GTF2H5: variants seen among roughly 807,000 people sequenced by gnomAD.
GTF2H5 encodes the protein general transcription factor IIH subunit 5.
Under a neutral mutation model 7.1 loss-of-function variants are expected in GTF2H5, and 5 were observed. The observed-to-expected ratio is 0.71, with a 90% CI of 0.37 to 1.49. The LOEUF is 1.49. Ranked by LOEUF, GTF2H5 falls within the 40% of genes most tolerant of loss-of-function variation. GTF2H5 has a pLI of 0.03. For synonymous variants in GTF2H5, 30 were observed against 31.7 expected, an observed-to-expected ratio of 0.95 and a Z score of 0.18; for missense variants, 80 against 83.0, an observed-to-expected ratio of 0.96 and a Z score of 0.14.
In GTF2H5 at chr6:158,177,028, G is replaced by A. The variant is rs961358339; in HGVS notation, c.35+6490G>A. On this transcript the variant is annotated intron_variant, in intron 2 of 2. Coordinates refer to ENST00000607778, the MANE Select transcript of GTF2H5 (RefSeq NM_207118.3). ...TCCAGTAAACCCACAGCCTTCCAGC[G>A]TGGGTGTCATGGCCATCATGAACAT... Among the ~76,000 whole-genome samples the A allele has an allele frequency of 5.9e-5, 9 of 152,348 alleles. No individual in the cohort carries two copies. The East Asian group carries it at 9.6e-4, about 16-fold the overall frequency.
At chr6:158,184,218 T>C (rs1477857746) in intron 2 of GTF2H5, among the ~76,000 whole-genome samples, 1 of 152,072 alleles carries the variant, frequency 6.6e-6, no homozygotes, top group East Asian at 1.9e-4. Flanking sequence ...TGATTTGGGT[T>C]TTCTGATCAG....
chr6:158,187,265 G>T (rs1776944847), intron 2 of GTF2H5, among the ~76,000 whole-genome samples: 1 of 151,934 alleles, frequency 6.6e-6, no homozygotes, highest in African/African-American at 2.4e-5. Context: ...CAAAGTGCTG[G>T]GATTACAGAT....
intron 1 of GTF2H5, among the ~76,000 whole-genome samples, chr6:158,169,794 A>ATATTGTATATTATATATAATATATTG (rs1785819721): frequency 6.4e-5 from 6 of 93,136 alleles, no homozygotes; most frequent in Admixed American, 1.8e-4. Flanking sequence ...ATTATATATT[A>ATATTGTATATTATATATAATATATTG]TATATTGTAT....
At chr6:158,178,262 G>A (rs34489576) in intron 2 of GTF2H5, among the ~76,000 whole-genome samples, 22,415 of 151,952 alleles carry the variant, frequency 0.15, 2,150 homozygotes, top group Middle Eastern at 0.3. Flanking sequence ...CAAGACAGGC[G>A]GATCACGAGG....
intron 2 of GTF2H5, among the ~76,000 whole-genome samples, chr6:158,182,378 T>C (rs1786022596): frequency 6.6e-6 from 1 of 152,232 alleles, no homozygotes; most frequent in Non-Finnish European, 1.5e-5. Context: ...TTGAGGAGTA[T>C]CTTTGTGGTG....
chr6:158,171,940 G>T (rs1785861989), intron 2 of GTF2H5, among the ~76,000 whole-genome samples: 1 of 152,146 alleles, frequency 6.6e-6, no homozygotes, highest in Admixed American at 6.6e-5. Flanking sequence ...CACTAGGTTT[G>T]ATGTACTTAT....
chr6:158,168,678 C>T lies in GTF2H5; in HGVS notation c.-35+283C>T, dbSNP rs554718882. Among the ~76,000 whole-genome samples, 201 of 152,346 alleles carry T rather than the reference C, an allele frequency of 1.3e-3. 1 individual carries two copies. Among genetic ancestry groups the T allele is most frequent in the African/African-American group, 4.6e-3 (193 of 41,582 alleles). ...GTACGCTGAGTGGTTTGTTTCCAGC[C>T]TAGGTCCGCACGGGACGTGATTTAT... On this transcript the variant is annotated intron_variant, in intron 1 of 2. Coordinates refer to ENST00000607778, the MANE Select transcript of GTF2H5 (RefSeq NM_207118.3).
chr6:158,180,491 A>G (rs112420138), intron 2 of GTF2H5, among the ~76,000 whole-genome samples: 166 of 152,282 alleles, frequency 1.1e-3, no homozygotes, highest in African/African-American at 3.6e-3. Context: ...CTGTGAATCC[A>G]TCTGGTCCTG....
chr6:158,168,786 G>A (rs1457351814), intron 1 of GTF2H5, among the ~76,000 whole-genome samples: 2 of 152,210 alleles, frequency 1.3e-5, no homozygotes, highest in African/African-American at 4.8e-5. Context: ...TCTTCCTTTG[G>A]TCTCCTCATA....
intron 2 of GTF2H5, among the ~76,000 whole-genome samples, chr6:158,175,010 A>ATGTATG: frequency 7.2e-6 from 1 of 138,320 alleles, no homozygotes; most frequent in East Asian, 2.2e-4. Flanking sequence ...TGTGCCTGAG[A>ATGTATG]TGTGTGTGTG....
chr6:158,174,014 C>T (rs145462289), intron 2 of GTF2H5, among the ~76,000 whole-genome samples: 3 of 152,206 alleles, frequency 2.0e-5, no homozygotes, highest in African/African-American at 7.2e-5. Flanking sequence ...TGGTTTTTAG[C>T]GTGCGCATGC....
intron 2 of GTF2H5, among the ~76,000 whole-genome samples, chr6:158,188,496 G>A (rs1356796917): frequency 1.3e-5 from 2 of 152,068 alleles, no homozygotes; most frequent in Non-Finnish European, 1.5e-5. Context: ...TCAACCCCAC[G>A]TTCCTTCTAG....
At chr6:158,183,188 G>C (rs910894630) in intron 2 of GTF2H5, among the ~76,000 whole-genome samples, 1 of 152,158 alleles carries the variant, frequency 6.6e-6, no homozygotes, top group Non-Finnish European at 1.5e-5. Context: ...GACCCTGTTT[G>C]CCTGGGTATC....
chr6:158,194,625 T>C lies in GTF2H5; in HGVS notation c.*2468T>C, dbSNP rs1293379047. 1 of 152,154 alleles carries C rather than the reference T, an allele frequency of 6.6e-6. No homozygotes were observed. Among genetic ancestry groups the C allele is most frequent in the African/African-American group, 2.4e-5 (1 of 41,424 alleles). 9.4% of individuals were successfully genotyped at this position (152,154 alleles called of 1,614,324 possible). A position where few individuals can be genotyped will look rare whatever the true frequency, so the allele number is the denominator to read the frequency against. On this transcript the variant is annotated 3_prime_UTR_variant, in exon 3 of 3. Coordinates refer to ENST00000607778, the MANE Select transcript of GTF2H5 (RefSeq NM_207118.3). ...GTACCTTATGAGTTAATTGGACTCT[T>C]TGATATGTTGAGAGTCAGCTTACAC...
intron 2 of GTF2H5, among the ~76,000 whole-genome samples, chr6:158,178,107 A>G (rs1008616806): frequency 2.0e-5 from 3 of 152,126 alleles, no homozygotes; most frequent in Non-Finnish European, 4.4e-5. Flanking sequence ...TGCTGGGTCA[A>G]ATGGTATTTC....
intron 2 of GTF2H5, among the ~76,000 whole-genome samples, chr6:158,175,044 G>GTGTGTATATATGTGTGTGTGTGTGTGTA: frequency 5.6e-5 from 8 of 142,852 alleles, no homozygotes; most frequent in East Asian, 2.1e-4. Flanking sequence ...GTGTGTGTGT[G>GTGTGTATATATGTGTGTGTGTGTGTGTA]TATACACACA....
At chr6:158,173,514 A>G (rs1785885525) in intron 2 of GTF2H5, among the ~76,000 whole-genome samples, 1 of 152,186 alleles carries the variant, frequency 6.6e-6, no homozygotes, top group Non-Finnish European at 1.5e-5. Flanking sequence ...TATGATTATC[A>G]GTATAAGTCT....
chr6:158,169,544 A>T lies in GTF2H5; in HGVS notation c.-34-926A>T, dbSNP rs1169667574. Among the ~76,000 whole-genome samples the T allele has an allele frequency of 3.3e-5, 3 of 90,522 alleles. 1 individual carries two copies. The highest frequency in any genetic ancestry group is 1.9e-4 in the Admixed American group (1 of 5,190). The allele number at this position is 90,522 out of a possible 152,430, so 59.4% of individuals were successfully genotyped here. ...TATAATATACAGTATATTATATATA[A>T]TATACTGTATATTATATATAATATA... On this transcript the variant is annotated intron_variant, in intron 1 of 2. Transcript: ENST00000607778.
At chr6:158,176,261 C>T (rs961279324) in intron 2 of GTF2H5, among the ~76,000 whole-genome samples, 2 of 151,984 alleles carry the variant, frequency 1.3e-5, no homozygotes, top group African/African-American at 4.8e-5. Context: ...CGGAGTCTCA[C>T]TGTCACCCAG....
Sources: allele counts gnomAD v4.1 joint callset (sites outside exome capture counted in the v4.1 genomes callset), GRCh38; gene constraint gnomAD v4.1.1; transcripts MANE v1.5; gene names NCBI Gene and HGNC (gene_info 2026-07-23, HGNC 2026-07-21).